Variants in EPS8 observed in about 807,000 individuals in gnomAD.
EPS8 encodes epidermal growth factor receptor kinase substrate 8.
EPS8 carries 42 observed loss-of-function variants against 103.8 expected under a neutral mutation model. The observed-to-expected ratio is 0.40, with a 90% CI of 0.32 to 0.52. EPS8 has a LOEUF of 0.52. Among genes scored for constraint, EPS8 ranks in the 20% least tolerant of loss-of-function variants. The pLI is 0.40. For synonymous variants in EPS8, 344 were observed against 344.6 expected, an observed-to-expected ratio of 1.00 and a Z score of 0.02; for missense variants, 969 against 1,005.1, an observed-to-expected ratio of 0.96 and a Z score of 0.49.
chr12:15,659,278 A>G (rs1156763807), intron 10 of EPS8, among the ~76,000 whole-genome samples: 7 of 152,158 alleles, frequency 4.6e-5, no homozygotes, highest in African/African-American at 1.4e-4. Context: ...AGTGACTGAG[A>G]GCTTTAAGAA....
chr12:15,698,137 A>G lies in EPS8; in HGVS notation c.-21-15165T>C, dbSNP rs1408551568. Among the ~76,000 whole-genome samples, 2 of 152,236 alleles carry G rather than the reference A, an allele frequency of 1.3e-5. No homozygotes were observed. The highest frequency in any genetic ancestry group is 6.5e-5 in the Admixed American group (1 of 15,286). ...TATGTATTTTAAAAGGCTTTCTGAA[A>G]CTGTTTAATAAAGGAAAAATGGAAA... On this transcript the variant is annotated intron_variant, in intron 1 of 20. Coordinates refer to ENST00000281172, the MANE Select transcript of EPS8 (RefSeq NM_004447.6). The surrounding 1 kb of genome is among the most constrained non-coding windows in gnomAD (Gnocchi z 4.9).
At chr12:15,626,852 C>T (rs1187999360) in intron 18 of EPS8, among the ~76,000 whole-genome samples, 4 of 152,140 alleles carry the variant, frequency 2.6e-5, no homozygotes, top group African/African-American at 7.2e-5. Flanking sequence ...GAATGCTTTC[C>T]CCCGCATCTC....
Position 15,669,823 on chromosome 12 carries a change from G to A in EPS8, c.207C>T (p.His69=), listed in dbSNP as rs751408312. ...TCCGATCCAGGACAAAGGTAGTCAA[G>A]TGCTTACAATTGGCAAAAAGGAAAA... The part of the protein sequence containing the change: ...VSDISQYRVE[H]LTTFVLDRKD... The change falls in exon 5 of 21, where the codon CAC becomes CAT. Residue 69 remains histidine (H), a splice_region_variant and synonymous_variant. Coordinates refer to ENST00000281172, the MANE Select transcript of EPS8 (RefSeq NM_004447.6). 2 of 1,591,574 alleles carry A rather than the reference G, an allele frequency of 1.3e-6. No individual in the cohort carries two copies. Among genetic ancestry groups the A allele is most frequent in the East Asian group, 4.5e-5 (2 of 44,608 alleles).
rs946259692 is a variant in EPS8 at position 15,721,298 on chromosome 12, A to C, written c.-21-38326T>G. The stretch of plus-strand genomic sequence containing the variant: ...TCATATGCCATTCCCCACTCACAAA[A>C]ATAAACCTAACACACACCAAATAGA... On this transcript the variant is annotated intron_variant, in intron 1 of 20. Transcript: ENST00000281172. This position sits in a 1 kb window ranked among gnomAD's most constrained non-coding sequence, Gnocchi z 4.4. 1.3e-5 allele frequency among the ~76,000 whole-genome samples: 2 copies of C among 152,200 alleles called. No individual in the cohort carries two copies. Among genetic ancestry groups the C allele is most frequent in the African/African-American group, 4.8e-5 (2 of 41,448 alleles).
intron 17 of EPS8, among the ~76,000 whole-genome samples, chr12:15,638,798 T>G (rs558289283): frequency 1.3e-5 from 2 of 152,180 alleles, no homozygotes; most frequent in Non-Finnish European, 2.9e-5. Context: ...GAAAATACTT[T>G]CCCTGCGTAT....
chr12:15,640,215 G>A (rs1246924376), intron 17 of EPS8, among the ~76,000 whole-genome samples: 1 of 152,142 alleles, frequency 6.6e-6, no homozygotes, highest in African/African-American at 2.4e-5. Flanking sequence ...TGTAATCCAG[G>A]TGAACAGGTA....
intron 1 of EPS8, among the ~76,000 whole-genome samples, chr12:15,699,486 TA>T (rs1327433208): frequency 2.0e-5 from 3 of 152,322 alleles, no homozygotes; most frequent in Non-Finnish European, 2.9e-5. Context: ...TGCAGGATCA[TA>T]TATTTAAGAG....
At chr12:15,622,428 C>A (rs1412567690) in intron 20 of EPS8, among the ~76,000 whole-genome samples, 1 of 152,034 alleles carries the variant, frequency 6.6e-6, no homozygotes, top group Non-Finnish European at 1.5e-5. Context: ...TAGAATATAC[C>A]TGCTAGAGAT....
intron 18 of EPS8, among the ~76,000 whole-genome samples, chr12:15,628,857 C>T (rs1944994515): frequency 6.6e-6 from 1 of 152,068 alleles, no homozygotes; most frequent in Non-Finnish European, 1.5e-5. Flanking sequence ...AGAAATTTGG[C>T]TATCAATAAA....
rs1410948343 is a variant in EPS8 at position 15,733,611 on chromosome 12, T to G, written c.-21-50639A>C. 6.6e-6 allele frequency among the ~76,000 whole-genome samples: 1 copy of G among 152,112 alleles called. No individual in the cohort carries two copies. Among genetic ancestry groups the G allele is most frequent in the Non-Finnish European group, 1.5e-5 (1 of 68,008 alleles). The stretch of plus-strand genomic sequence containing the variant: ...TCAGCCCAGAGATAAGAGGACCACA[T>G]GTTCTTGGTGGATGGAAGAAGAATA... On this transcript the variant is annotated intron_variant, in intron 1 of 20. Transcript: ENST00000281172. The surrounding 1 kb of genome is among the most constrained non-coding windows in gnomAD (Gnocchi z 4.8).
intron 12 of EPS8, 128 bp from the exon 13 acceptor site, chr12:15,654,421 G>T: frequency 1.2e-6 from 1 of 825,708 alleles, no homozygotes; most frequent in Non-Finnish European, 2.0e-6. Context: ...TTGATGCTGT[G>T]CAATGTGCTA....
intron 8 of EPS8, 76 bp downstream of exon 8, chr12:15,665,680 A>G: frequency 1.3e-6 from 2 of 1,526,396 alleles, no homozygotes; most frequent in East Asian, 2.3e-5. Context: ...TGAAATCAGC[A>G]TCAGAATTTG....
At chr12:15,641,694 GA>G in intron 16 of EPS8, 27 bp downstream of exon 16, 1 of 1,098,934 alleles carries the variant, frequency 9.1e-7, no homozygotes, top group Non-Finnish European at 1.3e-6. Flanking sequence ...ACTTTATTAA[GA>G]GTATAAAAAA....
intron 15 of EPS8, among the ~76,000 whole-genome samples, chr12:15,644,002 A>G (rs1389278623): frequency 6.6e-6 from 1 of 152,232 alleles, no homozygotes; most frequent in South Asian, 2.1e-4. Flanking sequence ...AACAGTGAAT[A>G]TACTTCGTAT....
intron 12 of EPS8, among the ~76,000 whole-genome samples, chr12:15,655,988 A>G (rs192361328): frequency 8.5e-5 from 13 of 152,328 alleles, no homozygotes; most frequent in African/African-American, 3.1e-4. Flanking sequence ...AATAAGGTGT[A>G]ATTTTTGAGA....
chr12:15,722,700 G>A (rs1946610196), intron 1 of EPS8, among the ~76,000 whole-genome samples: 1 of 152,196 alleles, frequency 6.6e-6, no homozygotes, highest in Admixed American at 6.5e-5. Context: ...AGCAGATTCA[G>A]TGTCTGGTGA....
chr12:15,697,292 C>G lies in EPS8; in HGVS notation c.-21-14320G>C, dbSNP rs185738559. Among the ~76,000 whole-genome samples the G allele has an allele frequency of 4.6e-5, 7 of 152,366 alleles. No individual in the cohort carries two copies. The East Asian group carries it at 1.3e-3, about 29-fold the overall frequency. ...CTTACATGGCATAACTGCTGTCCCC[C>G]ATTCTAAGCCAAATGGTGGTACAAA... On this transcript the variant is annotated intron_variant, in intron 1 of 20. Coordinates refer to ENST00000281172, the MANE Select transcript of EPS8 (RefSeq NM_004447.6). This position sits in a 1 kb window ranked among gnomAD's most constrained non-coding sequence, Gnocchi z 5.6.
At chr12:15,753,559 G>T (rs1238612510) in intron 1 of EPS8, among the ~76,000 whole-genome samples, 2 of 151,872 alleles carry the variant, frequency 1.3e-5, no homozygotes, top group Non-Finnish European at 2.9e-5. Flanking sequence ...ATTTCCATTT[G>T]AGGGAGACCT....
rs1419545988 is a variant in EPS8 at position 15,735,624 on chromosome 12, C to T, written c.-21-52652G>A. On this transcript the variant is annotated intron_variant, in intron 1 of 20. Coordinates refer to ENST00000281172, the MANE Select transcript of EPS8 (RefSeq NM_004447.6). This position sits in a 1 kb window ranked among gnomAD's most constrained non-coding sequence, Gnocchi z 4.4. ...TTATAAACTGTAAGTAAAATAGGCA[C>T]ATTTAAGTACTTCTTCTATGTAGAT... 6.6e-6 allele frequency among the ~76,000 whole-genome samples: 1 copy of T among 152,112 alleles called. No homozygotes were observed. Among genetic ancestry groups the T allele is most frequent in the Non-Finnish European group, 1.5e-5 (1 of 68,014 alleles).
Sources: allele counts gnomAD v4.1 joint callset (sites outside exome capture counted in the v4.1 genomes callset), GRCh38; gene constraint gnomAD v4.1.1; non-coding constraint Gnocchi (gnomAD v3.1); transcripts MANE v1.5; gene names NCBI Gene and HGNC (gene_info 2026-07-23, HGNC 2026-07-21).